The following RNF217 variants were observed in gnomAD, a reference collection of about 807,000 sequenced individuals.
RNF217 encodes the protein ring finger protein 217.
RNF217 carries 31 observed loss-of-function variants against 57.8 expected under a neutral mutation model. The observed-to-expected ratio is 0.54, with a 90% confidence interval of 0.40 to 0.72. The LOEUF (loss-of-function observed/expected upper bound fraction) is 0.72, where lower values mean the gene tolerates loss of function less well. Ranked by LOEUF, RNF217 falls within the 30% of genes least tolerant of loss-of-function variation. The pLI is 0.00. For missense variants in RNF217, 696 were observed against 708.3 expected, an observed-to-expected ratio of 0.98 and a Z score of 0.20; for synonymous variants, 313 against 294.0, an observed-to-expected ratio of 1.06 and a Z score of -0.66.
chr6:125,086,585 G>A lies in RNF217; in HGVS notation c.*3648G>A, dbSNP rs780900629. ...TTCCCAGAAAAATACATTAGATTAT[G>A]TACGATTTAGTGATTTGGTGGGATA... On this transcript the variant is annotated 3_prime_UTR_variant, in exon 6 of 6. Transcript: ENST00000521654. 6.6e-6 allele frequency: 1 copy of A among 152,042 alleles called. No homozygotes were observed. Among genetic ancestry groups the A allele is most frequent in the Non-Finnish European group, 1.5e-5 (1 of 67,976 alleles). The allele number at this position is 152,042 out of a possible 1,614,324, so 9.4% of individuals were successfully genotyped here.
intron 2 of RNF217, among the ~76,000 whole-genome samples, chr6:125,048,955 C>T (rs1350808811): frequency 4.6e-5 from 7 of 151,994 alleles, no homozygotes; most frequent in African/African-American, 1.7e-4. Flanking sequence ...TACATTCAGA[C>T]AACCTTGCCT....
chr6:125,035,778 C>G (rs968545129), intron 1 of RNF217, among the ~76,000 whole-genome samples: 4 of 151,528 alleles, frequency 2.6e-5, no homozygotes, highest in African/African-American at 9.7e-5. Flanking sequence ...TTTTCATTCG[C>G]CTTTTATATT....
chr6:124,983,485 A>C (rs1344934997), intron 1 of RNF217: 1 of 984,566 alleles, frequency 1.0e-6, no homozygotes, highest in Non-Finnish European at 1.2e-6. Context: ...CTCACTTGTC[A>C]CTAATGAAAA....
rs868774858 is a variant in RNF217 at position 125,090,996 on chromosome 6, C to T, written c.*8059C>T. On this transcript the variant is annotated 3_prime_UTR_variant, in exon 6 of 6. Transcript: ENST00000521654. ...TGCAGAAATCTCTCAAAAGAAATTG[C>T]AAAGGAAAAATTACGTTGAGATGAA... 6.6e-6 allele frequency: 1 copy of T among 151,768 alleles called. No homozygotes were observed. The highest frequency in any genetic ancestry group is 1.5e-5 in the Non-Finnish European group (1 of 67,804). 9.4% of individuals were successfully genotyped at this position (151,768 alleles called of 1,614,324 possible).
chr6:125,000,462 T>C (rs1438494752), intron 1 of RNF217, among the ~76,000 whole-genome samples: 1 of 152,004 alleles, frequency 6.6e-6, no homozygotes, highest in Non-Finnish European at 1.5e-5. Context: ...ACAATAGTTG[T>C]AAATTGTTCA....
intron 4 of RNF217, among the ~76,000 whole-genome samples, 193 bp from the exon 5 acceptor site, chr6:125,081,243 T>A (rs918948985): frequency 6.6e-6 from 1 of 152,110 alleles, no homozygotes; most frequent in African/African-American, 2.4e-5. Flanking sequence ...AGGACTTTGG[T>A]GAAGTTACTA....
At chr6:124,998,242 A>T (rs983725024) in intron 1 of RNF217, among the ~76,000 whole-genome samples, 1 of 151,842 alleles carries the variant, frequency 6.6e-6, no homozygotes, top group Non-Finnish European at 1.5e-5. Context: ...CTATTCTCCT[A>T]TCCCATGGAT....
chr6:125,014,587 C>T (rs1205012189), intron 1 of RNF217, among the ~76,000 whole-genome samples: 1 of 152,078 alleles, frequency 6.6e-6, no homozygotes, highest in Non-Finnish European at 1.5e-5. Context: ...TAATCAGCCT[C>T]CAGAGATAAC....
At chr6:125,035,565 A>C (rs1366605201) in intron 1 of RNF217, among the ~76,000 whole-genome samples, 16 of 152,128 alleles carry the variant, frequency 1.1e-4, no homozygotes, top group Non-Finnish European at 2.9e-5. Flanking sequence ...GGATATACAA[A>C]ACTTGTCATT....
chr6:125,029,461 C>CTA (rs1468249794), intron 1 of RNF217, among the ~76,000 whole-genome samples: 2 of 152,102 alleles, frequency 1.3e-5, no homozygotes, highest in Non-Finnish European at 2.9e-5. Flanking sequence ...TTTATTGAAT[C>CTA]TAAAAACTCC....
chr6:124,998,948 TTGACTCCTTCAAAAG>T (rs1784862017), intron 1 of RNF217, among the ~76,000 whole-genome samples: 1 of 152,236 alleles, frequency 6.6e-6, no homozygotes, highest in South Asian at 2.1e-4. Context: ...ACATGTGGAA[TTGACTCCTTCAAAAG>T]TGCCTTTTGT....
intron 1 of RNF217, among the ~76,000 whole-genome samples, chr6:125,035,209 C>A (rs987967723): frequency 6.6e-6 from 1 of 152,020 alleles, no homozygotes; most frequent in Admixed American, 6.6e-5. Flanking sequence ...TGCCTAATTG[C>A]CCTGGCCAGA....
intron 1 of RNF217, among the ~76,000 whole-genome samples, chr6:125,031,195 A>C (rs1414569888): frequency 6.6e-6 from 1 of 152,210 alleles, no homozygotes; most frequent in African/African-American, 2.4e-5. Context: ...CCAGCCCACG[A>C]AACCACTTTT....
chr6:125,033,405 T>C (rs1349437626), intron 1 of RNF217, among the ~76,000 whole-genome samples: 1 of 142,350 alleles, frequency 7.0e-6, no homozygotes, highest in Non-Finnish European at 1.5e-5. Flanking sequence ...CCATGTATTC[T>C]CATTGTTCAG....
intron 1 of RNF217, among the ~76,000 whole-genome samples, chr6:124,975,218 C>T (rs2114999257): frequency 6.6e-6 from 1 of 152,244 alleles, no homozygotes; most frequent in East Asian, 1.9e-4. Flanking sequence ...TTGTATGTGG[C>T]AAGTTTAATC....
chr6:125,057,908 C>T, intron 2 of RNF217, 34 bp from the exon 3 acceptor site: 1 of 1,553,628 alleles, frequency 6.4e-7, no homozygotes, highest in East Asian at 2.3e-5. Context: ...TCAGTATATC[C>T]ACTAGTAATT....
chr6:125,038,593 TTTAA>T (rs1786743698), intron 1 of RNF217, among the ~76,000 whole-genome samples: 1 of 152,156 alleles, frequency 6.6e-6, no homozygotes, highest in South Asian at 2.1e-4. Flanking sequence ...TCACATATAC[TTTAA>T]TTATCCCTAA....
chr6:125,056,676 GTCAGTGAAT>G (rs1787534764), intron 2 of RNF217, among the ~76,000 whole-genome samples: 1 of 152,112 alleles, frequency 6.6e-6, no homozygotes, highest in Non-Finnish European at 1.5e-5. Flanking sequence ...TTAAAATGTA[GTCAGTGAAT>G]TCACACATGC....
intron 1 of RNF217, among the ~76,000 whole-genome samples, chr6:125,036,823 T>A (rs1405769228): frequency 6.6e-6 from 1 of 151,376 alleles, no homozygotes; most frequent in Non-Finnish European, 1.5e-5. Flanking sequence ...TACCATCTCA[T>A]GCCACTTAGA....
Sources: gnomAD v4.1 joint callset for allele counts (sites outside exome capture counted in the v4.1 genomes callset) on GRCh38, gnomAD v4.1.1 for gene constraint, MANE v1.5 for transcripts, NCBI Gene and HGNC (gene_info 2026-07-23, HGNC 2026-07-21) for gene names.